The following TMEM217B variants were observed in gnomAD, a reference collection of about 807,000 sequenced individuals.
The protein encoded by TMEM217B is putative transmembrane protein 217B.
the TMEM217B span, among the ~76,000 whole-genome samples, chr6:37,256,062 T>A: frequency 6.6e-6 from 1 of 152,236 alleles, no homozygotes; most frequent in Non-Finnish European, 1.5e-5. Context: ...ACACAAATCA[T>A]ACTTTGCTTT....
the TMEM217B span, among the ~76,000 whole-genome samples, chr6:37,224,564 C>T: frequency 6.6e-6 from 1 of 151,842 alleles, no homozygotes; most frequent in African/African-American, 2.4e-5. Context: ...CACCACTGCA[C>T]TCCAGGCTGG....
At chr6:37,218,459 G>C in the TMEM217B span, 2 of 1,612,740 alleles carry the variant, frequency 1.2e-6, no homozygotes, top group African/African-American at 2.7e-5. Context: ...TTCCAGGTGT[G>C]AGCCACTGAA....
the TMEM217B span, chr6:37,217,974 C>T: frequency 2.2e-4 from 220 of 988,726 alleles, no homozygotes; most frequent in African/African-American, 1.1e-3. Context: ...CAGGATGTTC[C>T]GGTTGTGATT....
the TMEM217B span, among the ~76,000 whole-genome samples, chr6:37,239,656 T>C: frequency 1.3e-5 from 2 of 152,184 alleles, no homozygotes; most frequent in Admixed American, 6.5e-5. Context: ...TTATTTTCAA[T>C]TGCTCTCATC....
chr6:37,253,997 A>AG, the TMEM217B span, among the ~76,000 whole-genome samples: 4 of 152,114 alleles, frequency 2.6e-5, no homozygotes, highest in African/African-American at 9.7e-5. Flanking sequence ...GATGAAGTTG[A>AG]GGGGGGGAAA....
chr6:37,256,456 G>A, the TMEM217B span, among the ~76,000 whole-genome samples: 1 of 152,150 alleles, frequency 6.6e-6, no homozygotes, highest in Admixed American at 6.5e-5. Context: ...AGAAAGGCAA[G>A]TAAAATAATT....
chr6:37,231,913 A>G, the TMEM217B span, among the ~76,000 whole-genome samples: 9 of 151,808 alleles, frequency 5.9e-5, no homozygotes, highest in African/African-American at 1.9e-4. Flanking sequence ...TGTGGCTAAA[A>G]AAAAATTACA....
the TMEM217B span, among the ~76,000 whole-genome samples, chr6:37,219,476 C>T: frequency 6.6e-6 from 1 of 152,164 alleles, no homozygotes; most frequent in Non-Finnish European, 1.5e-5. Context: ...CACAGTGGCT[C>T]ATGCCTGTAA....
chr6:37,216,677 T>C, the TMEM217B span, among the ~76,000 whole-genome samples: 6 of 152,138 alleles, frequency 3.9e-5, no homozygotes, highest in Non-Finnish European at 7.3e-5. Context: ...TGGTGAGTGC[T>C]GTGGTTTGAC....
At chr6:37,222,117 T>TA in the TMEM217B span, among the ~76,000 whole-genome samples, 1 of 152,198 alleles carries the variant, frequency 6.6e-6, no homozygotes, top group Non-Finnish European at 1.5e-5. Flanking sequence ...AGCCCAGGTC[T>TA]TTTATGGACC....
chr6:37,242,318 C>T, the TMEM217B span, among the ~76,000 whole-genome samples: 2 of 152,176 alleles, frequency 1.3e-5, no homozygotes, highest in African/African-American at 2.4e-5. Context: ...CTCTCTATTC[C>T]CCCCAAGGGA....
At chr6:37,226,169 T>G in the TMEM217B span, among the ~76,000 whole-genome samples, 4 of 152,156 alleles carry the variant, frequency 2.6e-5, no homozygotes, top group Non-Finnish European at 5.9e-5. Flanking sequence ...CTTATTTCAC[T>G]GAGTCTATGC....
At chr6:37,223,480 C>G in the TMEM217B span, among the ~76,000 whole-genome samples, 1 of 152,172 alleles carries the variant, frequency 6.6e-6, no homozygotes. Flanking sequence ...ATAGAAACCC[C>G]TGCCAACCTA....
At chr6:37,238,178 A>AC in the TMEM217B span, among the ~76,000 whole-genome samples, 2 of 151,440 alleles carry the variant, frequency 1.3e-5, no homozygotes, top group Non-Finnish European at 2.9e-5. Context: ...AAAAAAAAAA[A>AC]CCAAGGATAG....
chr6:37,242,290 G>A, the TMEM217B span, among the ~76,000 whole-genome samples: 2 of 152,254 alleles, frequency 1.3e-5, no homozygotes, highest in East Asian at 1.9e-4. Flanking sequence ...AGGCCCCCAC[G>A]GTGGGCAGAA....
the TMEM217B span, chr6:37,215,235 GC>G: frequency 1.2e-6 from 2 of 1,613,860 alleles, no homozygotes; most frequent in Non-Finnish European, 1.7e-6. Flanking sequence ...GGTGCTGGGG[GC>G]TGAGCTTGGC....
the TMEM217B span, among the ~76,000 whole-genome samples, chr6:37,243,787 T>G: frequency 1.3e-5 from 2 of 152,120 alleles, no homozygotes; most frequent in Admixed American, 1.3e-4. Flanking sequence ...GATAGTTTGG[T>G]GAGCAGAGGA....
chr6:37,248,975 C>T, the TMEM217B span, among the ~76,000 whole-genome samples: 89 of 152,286 alleles, frequency 5.8e-4, no homozygotes, highest in Non-Finnish European at 4.3e-4. Context: ...TCCAGGTATT[C>T]CTTGGCTTGT....
chr6:37,228,146 A>C, the TMEM217B span, among the ~76,000 whole-genome samples: 3 of 152,176 alleles, frequency 2.0e-5, no homozygotes, highest in African/African-American at 7.2e-5. Flanking sequence ...CTATAGTCCC[A>C]ACTACTTGAG....
Sources: allele counts gnomAD v4.1 joint callset (sites outside exome capture counted in the v4.1 genomes callset), GRCh38; gene constraint gnomAD v4.1.1; transcripts MANE v1.5; gene names NCBI Gene and HGNC (gene_info 2026-07-23, HGNC 2026-07-21).